Variants in FAT3 observed in about 807,000 individuals in gnomAD.
FAT3 encodes FAT atypical cadherin 3.
FAT3 carries 95 observed loss-of-function variants against 310.2 expected under a neutral mutation model. The ratio of observed to expected loss-of-function variants is 0.31; its 90% CI spans 0.26 to 0.36. The LOEUF (loss-of-function observed/expected upper bound fraction) is 0.36, where lower values mean the gene tolerates loss of function less well. Ranked by LOEUF, FAT3 falls within the 10% of genes least tolerant of loss-of-function variation. The pLI, the probability that FAT3 is intolerant of heterozygous loss-of-function variation, is 1.00. For synonymous variants in FAT3, 2,314 were observed against 2,192.9 expected (o/e 1.06, Z -1.54); for missense variants, 5,408 against 5,715.6 (o/e 0.95, Z 1.74).
chr11:92,868,783 A>C (rs1201756334), intron 22 of FAT3, among the ~76,000 whole-genome samples: 3 of 152,160 alleles, frequency 2.0e-5, no homozygotes, highest in Non-Finnish European at 4.4e-5. Flanking sequence ...TGCAGTGTGC[A>C]TTTTAATTTT....
At chr11:92,566,751 G>A (rs942952855) in intron 3 of FAT3, among the ~76,000 whole-genome samples, 16 of 152,016 alleles carry the variant, frequency 1.1e-4, no homozygotes, top group Non-Finnish European at 1.6e-4. Context: ...ACAACTATCT[G>A]ATCTTTGACA....
At chr11:92,754,262 C>T (rs1945914907) in intron 4 of FAT3, among the ~76,000 whole-genome samples, 1 of 152,078 alleles carries the variant, frequency 6.6e-6, no homozygotes, top group African/African-American at 2.4e-5. Context: ...AACAACGTAA[C>T]TGTCCATCAA....
Position 92,755,407 on chromosome 11 carries a change from A to G in FAT3, c.3670-6449A>G, listed in dbSNP as rs1945963420. On this transcript the variant is annotated intron_variant, in intron 4 of 27. Transcript: ENST00000525166. ...CCAGCTAATTTTTTGTATTTTTAGT[A>G]GAGACAGGGTCTCACCATGTTGGCC... Among the ~76,000 whole-genome samples, 5 of 151,994 alleles carry G rather than the reference A, an allele frequency of 3.3e-5. No individual in the cohort carries two copies. The South Asian group carries it at 1.0e-3, about 32-fold the overall frequency.
In FAT3 at chr11:92,799,576, A is replaced by C; in HGVS notation, c.6563A>C (p.Lys2188Thr). 1 of 1,613,836 alleles carries C rather than the reference A, an allele frequency of 6.2e-7. No individual in the cohort carries two copies. The highest frequency in any genetic ancestry group is 8.5e-7 in the Non-Finnish European group (1 of 1,179,842). ...IVNKAMPVFD[K>T]PFYTASVNED... ...AACAAAGCAATGCCTGTGTTTGATA[A>C]GCCCTTTTATACAGCATCTGTCAAT... Residue 2188 changes from lysine to threonine, a missense_variant, in exon 10 of 28, where the codon AAG (lysine) becomes ACG (threonine). By Grantham distance (78) the Lys-to-Thr change is moderately conservative. This residue lies in a region of FAT3 where 4,588 missense variants were observed against 4,809.8 expected (regional missense o/e 0.95). Transcript: ENST00000525166.
chr11:92,570,703 A>G (rs1360200494), intron 3 of FAT3, among the ~76,000 whole-genome samples: 1 of 152,238 alleles, frequency 6.6e-6, no homozygotes, highest in Non-Finnish European at 1.5e-5. Context: ...GCTAAGAGCA[A>G]GCTCTATACA....
At chr11:92,386,928 G>A (rs1046286252) in intron 2 of FAT3, among the ~76,000 whole-genome samples, 1 of 152,146 alleles carries the variant, frequency 6.6e-6, no homozygotes, top group Non-Finnish European at 1.5e-5. Context: ...AGTGGCAGGA[G>A]CTGTGTGGGA....
chr11:92,635,118 G>A (rs754449694), intron 3 of FAT3, among the ~76,000 whole-genome samples: 1 of 152,180 alleles, frequency 6.6e-6, no homozygotes, highest in Non-Finnish European at 1.5e-5. Flanking sequence ...CTTTGGTGAT[G>A]GCAGCCTGGA....
intron 3 of FAT3, among the ~76,000 whole-genome samples, chr11:92,621,491 A>T (rs760574267): frequency 6.6e-6 from 1 of 152,076 alleles, no homozygotes; most frequent in Non-Finnish European, 1.5e-5. Flanking sequence ...TTTTTGGAGG[A>T]GTTGGAGAAA....
At position 92,774,021 on chromosome 11, in the gene FAT3, T is replaced by A. The variant is rs1185615008; in HGVS notation, c.4196-20T>A. On this transcript the variant is annotated intron_variant, in intron 6 of 27. Transcript: ENST00000525166. ...CAAGTTATCAGATTTGCTAATTTCA[T>A]GTTTCTGTGAAATCATCAGGGGGGA... 6.2e-7 allele frequency: 1 copy of A among 1,611,158 alleles called. No homozygotes were observed. The highest frequency in any genetic ancestry group is 8.5e-7 in the Non-Finnish European group (1 of 1,178,840).
rs1940002636 is a variant in FAT3 at position 92,601,148 on chromosome 11, C to T, written c.3607+76200C>T. ...TTTTTAAGTGGGGAGTGATATGAGT[C>T]AACTGTTTTTTAAAAGATTATCTAG... On this transcript the variant is annotated intron_variant, in intron 3 of 27. Transcript: ENST00000525166. Among the ~76,000 whole-genome samples, 3 of 151,084 alleles carry T rather than the reference C, an allele frequency of 2.0e-5. No individual in the cohort carries two copies. The East Asian group carries it at 5.8e-4, about 29-fold the overall frequency.
chr11:92,582,039 G>A (rs1938830555), intron 3 of FAT3, among the ~76,000 whole-genome samples: 2 of 151,954 alleles, frequency 1.3e-5, no homozygotes, highest in African/African-American at 4.8e-5. Context: ...CTAAACAAGG[G>A]GTGGATTATT....
At chr11:92,467,089 T>C (rs1380930493) in intron 2 of FAT3, among the ~76,000 whole-genome samples, 5 of 152,154 alleles carry the variant, frequency 3.3e-5, no homozygotes, top group African/African-American at 9.7e-5. Flanking sequence ...CTTTTGGGTA[T>C]ATACCCAGTA....
At chr11:92,511,631 A>G (rs1014345047) in intron 2 of FAT3, among the ~76,000 whole-genome samples, 3 of 152,174 alleles carry the variant, frequency 2.0e-5, no homozygotes, top group African/African-American at 7.2e-5. Flanking sequence ...AAAAGGCAGG[A>G]GGGGTCAGCC....
At chr11:92,715,754 T>C (rs1291928369) in intron 4 of FAT3, among the ~76,000 whole-genome samples, 1 of 152,004 alleles carries the variant, frequency 6.6e-6, no homozygotes, top group Non-Finnish European at 1.5e-5. Context: ...TGGCTGCACT[T>C]ATCAGGGAGG....
rs1465739770 is a variant in FAT3 at position 92,866,830 on chromosome 11, C to G, written c.11748C>G (p.Ser3916Arg). ...GISGRAVNDG[S>R]WHSVFLELNR... ...CGGGCCGTGCTGTCAACGACGGGAGCTGGCACTCGGTCTTCCTGGAGCTCA... is the reference window on the plus strand; with the variant it reads ...CGGGCCGTGCTGTCAACGACGGGAGGTGGCACTCGGTCTTCCTGGAGCTCA... Residue 3916 changes from serine (S) to arginine (R), a missense_variant, in exon 22 of 28, where the codon AGC (serine) becomes AGG (arginine). This residue lies in a region of FAT3 where 4,588 missense variants were observed against 4,809.8 expected (regional missense o/e 0.95). Coordinates refer to ENST00000525166, the MANE Select transcript of FAT3 (RefSeq NM_001367949.2). 1 of 1,613,956 alleles carries G rather than the reference C, an allele frequency of 6.2e-7. No homozygotes were observed. The highest frequency in any genetic ancestry group is 8.5e-7 in the Non-Finnish European group (1 of 1,179,878).
At chr11:92,582,683 A>T (rs1364663274) in intron 3 of FAT3, among the ~76,000 whole-genome samples, 4 of 151,982 alleles carry the variant, frequency 2.6e-5, no homozygotes, top group Non-Finnish European at 5.9e-5. Flanking sequence ...GGCTTGGTGA[A>T]TGTGAAGTAA....
intron 1 of FAT3, among the ~76,000 whole-genome samples, chr11:92,298,182 A>G (rs1478797903): frequency 1.3e-5 from 2 of 152,262 alleles, no homozygotes; most frequent in East Asian, 1.9e-4. Context: ...GCAGGGGAAC[A>G]TTTAGCTCTT....
intron 3 of FAT3, among the ~76,000 whole-genome samples, chr11:92,641,200 A>T (rs1350545241): frequency 6.6e-6 from 1 of 152,152 alleles, no homozygotes; most frequent in African/African-American, 2.4e-5. Context: ...GTCCCCTACC[A>T]CACACAAAAA....
intron 13 of FAT3, among the ~76,000 whole-genome samples, chr11:92,825,227 T>A (rs1948072858): frequency 6.6e-6 from 1 of 152,220 alleles, no homozygotes; most frequent in Non-Finnish European, 1.5e-5. Flanking sequence ...CTTGCTTTGG[T>A]CCCCTAGTTG....
Sources: gnomAD v4.1 joint callset for allele counts (sites outside exome capture counted in the v4.1 genomes callset) on GRCh38, gnomAD v4.1.1 for gene constraint, gnomAD v4.1.1 regional missense constraint, MANE v1.5 for transcripts, NCBI Gene and HGNC (gene_info 2026-07-23, HGNC 2026-07-21) for gene names.